AIG1: variants seen among roughly 807,000 people sequenced by gnomAD.
AIG1 encodes androgen-induced gene 1 protein.
Under a neutral mutation model 31.4 loss-of-function variants are expected in AIG1, and 23 were observed. That is an observed-to-expected ratio of 0.73 (90% CI 0.53 to 1.04). The LOEUF is 1.04. Among genes scored for constraint, AIG1 ranks in the 50% least tolerant of loss-of-function variants. The pLI, the probability that AIG1 is intolerant of heterozygous loss-of-function variation, is 0.00. For missense variants in AIG1, 274 were observed against 295.0 expected (o/e 0.93, Z 0.52); for synonymous variants, 100 against 110.5 (o/e 0.90, Z 0.60).
intron 3 of AIG1, among the ~76,000 whole-genome samples, chr6:143,184,556 C>T (rs1309821526): frequency 6.6e-6 from 1 of 152,214 alleles, no homozygotes; most frequent in Non-Finnish European, 1.5e-5. Flanking sequence ...TATCACATCC[C>T]CCACAGTTAG....
intron 3 of AIG1, among the ~76,000 whole-genome samples, chr6:143,267,826 A>C (rs1796257115): frequency 6.6e-6 from 1 of 152,186 alleles, no homozygotes; most frequent in Admixed American, 6.5e-5. Context: ...AATGCCACTC[A>C]TCACTGTGTA....
intron 4 of AIG1, among the ~76,000 whole-genome samples, chr6:143,289,966 C>G (rs1797943691): frequency 6.6e-6 from 1 of 152,182 alleles, no homozygotes; most frequent in South Asian, 2.1e-4. Flanking sequence ...CAGCAGATGA[C>G]ATTTTTCTCT....
chr6:143,287,635 A>G (rs1461464742), intron 4 of AIG1, among the ~76,000 whole-genome samples: 1 of 149,368 alleles, frequency 6.7e-6, no homozygotes, highest in Non-Finnish European at 1.5e-5. Flanking sequence ...TCTAGGCTTT[A>G]GCTTAATCAG....
intron 4 of AIG1, among the ~76,000 whole-genome samples, chr6:143,332,124 A>G (rs957779807): frequency 1.3e-5 from 2 of 152,196 alleles, no homozygotes; most frequent in Non-Finnish European, 2.9e-5. Flanking sequence ...CACCCTCCTC[A>G]GCCTCCGAAA....
chr6:143,113,354 T>C (rs1781453869), intron 1 of AIG1, among the ~76,000 whole-genome samples: 3 of 152,082 alleles, frequency 2.0e-5, no homozygotes, highest in Admixed American at 2.0e-4. Flanking sequence ...CCTGAAATCC[T>C]GGCACTTTGG....
At chr6:143,106,885 C>G (rs908560809) in intron 1 of AIG1, among the ~76,000 whole-genome samples, 2 of 152,130 alleles carry the variant, frequency 1.3e-5, no homozygotes, top group African/African-American at 4.8e-5. Context: ...AGTTCATAGA[C>G]AGTGGAAGGG....
intron 3 of AIG1, among the ~76,000 whole-genome samples, chr6:143,177,332 G>C (rs1329920943): frequency 6.6e-6 from 1 of 152,124 alleles, no homozygotes; most frequent in South Asian, 2.1e-4. Context: ...GAGAATTGTT[G>C]TGTTCTTTTG....
In AIG1 at chr6:143,298,747, G is replaced by A. The variant is rs939263539; in HGVS notation, c.515+14522G>A. 2 of 151,344 alleles carry A rather than the reference G, an allele frequency of 1.3e-5. No homozygotes were observed. The highest frequency in any genetic ancestry group is 6.6e-5 in the Admixed American group (1 of 15,262). 9.4% of individuals were successfully genotyped at this position (151,344 alleles called of 1,614,324 possible). ...ACTGCACTCCACCCTGGGCAACAGAGCAAGACTGTCTCTAAAATTGCAGTG... is the reference window on the plus strand; with the variant it reads ...ACTGCACTCCACCCTGGGCAACAGAACAAGACTGTCTCTAAAATTGCAGTG... On this transcript the variant is annotated intron_variant, in intron 4 of 5. Transcript: ENST00000357847. This position sits in a 1 kb window ranked among gnomAD's most constrained non-coding sequence, Gnocchi z 5.1.
At chr6:143,178,388 A>G (rs560099014) in intron 3 of AIG1, among the ~76,000 whole-genome samples, 1 of 152,250 alleles carries the variant, frequency 6.6e-6, no homozygotes, top group Admixed American at 6.5e-5. Flanking sequence ...CGGGCATGGG[A>G]CCCAGCTTGA....
chr6:143,075,099 C>G (rs1777614863), intron 1 of AIG1, among the ~76,000 whole-genome samples: 1 of 152,148 alleles, frequency 6.6e-6, no homozygotes, highest in East Asian at 1.9e-4. Context: ...TCAGCATTTC[C>G]TTTTTATCTT....
chr6:143,119,989 G>A (rs1782103652), intron 1 of AIG1, among the ~76,000 whole-genome samples: 1 of 152,144 alleles, frequency 6.6e-6, no homozygotes, highest in Non-Finnish European at 1.5e-5. Context: ...GAGTGCAATG[G>A]CATGATCTTG....
intron 4 of AIG1, among the ~76,000 whole-genome samples, chr6:143,321,468 A>G (rs1776203882): frequency 6.6e-6 from 1 of 151,916 alleles, no homozygotes; most frequent in South Asian, 2.1e-4. Context: ...GTGTGGTTGC[A>G]CGCACCTGTA....
At chr6:143,183,378 TAG>T (rs924122560) in intron 3 of AIG1, among the ~76,000 whole-genome samples, 3 of 152,126 alleles carry the variant, frequency 2.0e-5, no homozygotes, top group African/African-American at 7.2e-5. Context: ...GTATTTTTAG[TAG>T]AGAGGGGGTT....
intron 3 of AIG1, among the ~76,000 whole-genome samples, chr6:143,266,219 C>T (rs994628938): frequency 9.9e-5 from 15 of 152,012 alleles, no homozygotes; most frequent in East Asian, 3.9e-4. Context: ...TGGTGGCGAG[C>T]GCCTGTAATC....
chr6:143,148,829 AAG>A (rs888198252), intron 2 of AIG1, among the ~76,000 whole-genome samples: 1 of 151,814 alleles, frequency 6.6e-6, no homozygotes, highest in Non-Finnish European at 1.5e-5. Context: ...CAAAAAAAAA[AAG>A]AGAGAGAGAG....
chr6:143,262,433 C>G (rs1278395331), intron 3 of AIG1, among the ~76,000 whole-genome samples: 2 of 152,134 alleles, frequency 1.3e-5, no homozygotes, highest in Non-Finnish European at 2.9e-5. Flanking sequence ...AACGAGAACT[C>G]CCCTGTATTA....
intron 2 of AIG1, among the ~76,000 whole-genome samples, chr6:143,145,630 A>G (rs1047075234): frequency 1.3e-5 from 2 of 152,192 alleles, no homozygotes; most frequent in African/African-American, 4.8e-5. Context: ...TGGGAAGGCA[A>G]GAAGAGGCAG....
At position 143,124,493 on chromosome 6, in the gene AIG1, C is replaced by T. The variant is rs1264322332; in HGVS notation, c.142-12342C>T. Among the ~76,000 whole-genome samples, 5 of 152,230 alleles carry T rather than the reference C, an allele frequency of 3.3e-5. No individual in the cohort carries two copies. The East Asian group carries it at 7.7e-4, about 23-fold the overall frequency. ...GAACTCCTTCTGTGCACCTGCTCATCGGTGGTGGCTCACTTGCCCCTGGGA... is the reference window on the plus strand; with the variant it reads ...GAACTCCTTCTGTGCACCTGCTCATTGGTGGTGGCTCACTTGCCCCTGGGA... On this transcript the variant is annotated intron_variant, in intron 1 of 5. Transcript: ENST00000357847.
At chr6:143,250,672 G>T (rs1008494388) in intron 3 of AIG1, among the ~76,000 whole-genome samples, 20 of 152,152 alleles carry the variant, frequency 1.3e-4, no homozygotes, top group Non-Finnish European at 2.9e-4. Flanking sequence ...ACAGAGATTG[G>T]AGTGACGCCG....
Sources: allele counts gnomAD v4.1 joint callset (sites outside exome capture counted in the v4.1 genomes callset), GRCh38; gene constraint gnomAD v4.1.1; non-coding constraint Gnocchi (gnomAD v3.1); transcripts MANE v1.5; gene names NCBI Gene and HGNC (gene_info 2026-07-23, HGNC 2026-07-21).